The following RNF157 variants were observed in gnomAD, a reference collection of about 807,000 sequenced individuals.
RNF157 encodes the protein ring finger protein 157.
In RNF157, 55 loss-of-function variants were observed where a neutral mutation model predicts 88.3. The ratio of observed to expected loss-of-function variants is 0.62; its 90% confidence interval spans 0.50 to 0.78. The LOEUF (loss-of-function observed/expected upper bound fraction) is 0.78, where lower values mean the gene tolerates loss of function less well. RNF157 is among the 30% of genes least tolerant of loss of function. The probability of loss-of-function intolerance (pLI) is 0.00; values close to 1 mark genes in which losing one functional copy is unlikely to be tolerated. For synonymous variants in RNF157, 334 were observed against 341.2 expected, an observed-to-expected ratio of 0.98 and a Z score of 0.23; for missense variants, 788 against 860.8, an observed-to-expected ratio of 0.92 and a Z score of 1.06.
At chr17:76,145,419 C>G in intron 18 of RNF157, 66 bp from the exon 19 acceptor site, 1 of 1,209,904 alleles carries the variant, frequency 8.3e-7, no homozygotes, top group Non-Finnish European at 1.2e-6. Context: ...GTGTCTCCAG[C>G]AGGGCAGCCC....
intron 3 of RNF157, among the ~76,000 whole-genome samples, chr17:76,171,828 T>C (rs1253139324): frequency 6.6e-6 from 1 of 152,244 alleles, no homozygotes; most frequent in Non-Finnish European, 1.5e-5. Flanking sequence ...CTGGTTCTTC[T>C]AGCGCATGAC....
At chr17:76,178,279 C>T (rs113942173) in intron 2 of RNF157, among the ~76,000 whole-genome samples, 1,849 of 152,334 alleles carry the variant, frequency 0.012, 28 homozygotes, top group African/African-American at 0.041. Flanking sequence ...TCCAAGCTTC[C>T]GGGTGCCACC....
Position 76,146,492 on chromosome 17 carries a change from G to A in RNF157, c.1922-1139C>T, listed in dbSNP as rs1024376510. 1.1e-4 allele frequency: 108 copies of A among 985,264 alleles called. No homozygotes were observed. The highest frequency in any genetic ancestry group is 3.8e-4 in the South Asian group (8 of 21,288). 61.0% of individuals were successfully genotyped at this position (985,264 alleles called of 1,614,324 possible). On this transcript the variant is annotated intron_variant, in intron 18 of 18. Transcript: ENST00000269391. This position sits in a 1 kb window ranked among gnomAD's most constrained non-coding sequence, Gnocchi z 4.2. ...CTAGGGCGCTCCTGCCTTGGGCCTCGGCTGCCTCCACTCTCAGGGTCCCCT... is the reference window on the plus strand; with the variant it reads ...CTAGGGCGCTCCTGCCTTGGGCCTCAGCTGCCTCCACTCTCAGGGTCCCCT...
chr17:76,182,194 G>C (rs913853645), intron 2 of RNF157, among the ~76,000 whole-genome samples: 2 of 152,138 alleles, frequency 1.3e-5, no homozygotes, highest in African/African-American at 2.4e-5. Context: ...CTCAAACCCA[G>C]AATGGAAGTA....
intron 2 of RNF157, among the ~76,000 whole-genome samples, chr17:76,207,000 A>G (rs576375974): frequency 3.3e-5 from 5 of 152,358 alleles, no homozygotes; most frequent in Non-Finnish European, 5.9e-5. Context: ...CCAAGGTTAC[A>G]AAGAGTTTAA....
At chr17:76,208,522 A>C (rs947226818) in intron 2 of RNF157, among the ~76,000 whole-genome samples, 2 of 152,244 alleles carry the variant, frequency 1.3e-5, no homozygotes, top group Non-Finnish European at 2.9e-5. Flanking sequence ...CAGCCCTGGC[A>C]AAAACTAGGT....
intron 1 of RNF157, among the ~76,000 whole-genome samples, chr17:76,216,725 G>A (rs1393300078): frequency 6.6e-6 from 1 of 150,976 alleles, no homozygotes; most frequent in Non-Finnish European, 1.5e-5. Context: ...CCCTTGTCTC[G>A]ACAAAAAATT....
rs949973893 is a variant in RNF157 at position 76,146,013 on chromosome 17, C to A, written c.1922-660G>T. 6.6e-6 allele frequency among the ~76,000 whole-genome samples: 1 copy of A among 152,206 alleles called. No individual in the cohort carries two copies. The highest frequency in any genetic ancestry group is 1.5e-5 in the Non-Finnish European group (1 of 68,036). On this transcript the variant is annotated intron_variant, in intron 18 of 18. Transcript: ENST00000269391. The surrounding 1 kb of genome is among the most constrained non-coding windows in gnomAD (Gnocchi z 4.2). Reference sequence around the variant, plus strand: ...CAAGAGCCTCGGGGTCCCACAGATACCATCACTAAACGCATCCGCTCCCCA... The same window carrying A: ...CAAGAGCCTCGGGGTCCCACAGATAACATCACTAAACGCATCCGCTCCCCA...
intron 1 of RNF157, chr17:76,226,083 G>T: frequency 6.2e-7 from 1 of 1,601,880 alleles, no homozygotes; most frequent in East Asian, 2.2e-5. Flanking sequence ...CTCCTATTTG[G>T]AGAGCCCCTG....
chr17:76,158,229 C>T (rs1347323229), intron 13 of RNF157, among the ~76,000 whole-genome samples, 164 bp downstream of exon 13: 1 of 152,206 alleles, frequency 6.6e-6, no homozygotes, highest in Non-Finnish European at 1.5e-5. Context: ...AGGCTGCATA[C>T]ACTGTTGAAT....
chr17:76,171,374 A>T (rs962005611), intron 3 of RNF157, among the ~76,000 whole-genome samples: 2 of 150,056 alleles, frequency 1.3e-5, no homozygotes, highest in Non-Finnish European at 3.0e-5. Context: ...TTTTTAGTAG[A>T]GACGGGTTTT....
intron 2 of RNF157, among the ~76,000 whole-genome samples, chr17:76,200,081 CAAAAA>C (rs890480009): frequency 2.1e-5 from 3 of 144,680 alleles, no homozygotes; most frequent in African/African-American, 7.6e-5. Flanking sequence ...ATTAAAAATA[CAAAAA>C]AAAAAATTAG....
chr17:76,180,819 C>T (rs996644545), intron 2 of RNF157, among the ~76,000 whole-genome samples: 5 of 152,212 alleles, frequency 3.3e-5, no homozygotes, highest in Admixed American at 6.5e-5. Flanking sequence ...GTAACATTCA[C>T]ATTCGCATTA....
At chr17:76,233,888 T>TTTA (rs1430088913) in intron 1 of RNF157, among the ~76,000 whole-genome samples, 1 of 152,130 alleles carries the variant, frequency 6.6e-6, no homozygotes, top group East Asian at 1.9e-4. Flanking sequence ...AATTCACCTA[T>TTTA]TTAGTGTGTA....
rs2068782961 is a variant in RNF157 at position 76,157,348 on chromosome 17, CGGTCGGGT to C, written c.1414-1035_1414-1028del. ...CCCGTCTAGTCCAGGCTGCACACTG[CGGTCGGGT>C]GGGCCTTTGGGGTGTGAAGCACTCA... On this transcript the variant is annotated intron_variant, in intron 13 of 18. Transcript: ENST00000269391. The surrounding 1 kb of genome is among the most constrained non-coding windows in gnomAD (Gnocchi z 5.6). Among the ~76,000 whole-genome samples the C allele has an allele frequency of 1.3e-5, 2 of 152,346 alleles. No individual in the cohort carries two copies. The highest frequency in any genetic ancestry group is 4.8e-5 in the African/African-American group (2 of 41,588).
At chr17:76,152,963 G>A (rs1309702756) in intron 17 of RNF157, among the ~76,000 whole-genome samples, 1 of 152,178 alleles carries the variant, frequency 6.6e-6, no homozygotes, top group Non-Finnish European at 1.5e-5. Context: ...TATCAAATCA[G>A]AATGACTACA....
In RNF157 at chr17:76,240,250, G is replaced by C; in HGVS notation, c.-10C>G. ...TCGTCAGGGCCCCCATGGCCGCTGC[G>C]GCTGCAGCCCCGGCCCGGCCCCGGT... is the stretch of plus-strand genomic sequence containing the variant. On this transcript the variant is annotated 5_prime_UTR_variant, in exon 1 of 19. Transcript: ENST00000269391. This position sits in a 1 kb window ranked among gnomAD's most constrained non-coding sequence, Gnocchi z 4.4. 7.9e-7 allele frequency: 1 copy of C among 1,265,850 alleles called. No homozygotes were observed. 78.4% of individuals were successfully genotyped at this position (1,265,850 alleles called of 1,614,324 possible).
At chr17:76,188,282 C>T (rs888112396) in intron 2 of RNF157, among the ~76,000 whole-genome samples, 5 of 152,122 alleles carry the variant, frequency 3.3e-5, no homozygotes, top group African/African-American at 1.2e-4. Context: ...TCCACTGCCC[C>T]ATGTGGTCAC....
At chr17:76,194,495 G>A (rs1224845430) in intron 2 of RNF157, among the ~76,000 whole-genome samples, 1 of 152,190 alleles carries the variant, frequency 6.6e-6, no homozygotes, top group Non-Finnish European at 1.5e-5. Flanking sequence ...ACCCCCGAAA[G>A]CAGGACGCTT....
Sources: gnomAD v4.1 joint callset for allele counts (sites outside exome capture counted in the v4.1 genomes callset) on GRCh38, gnomAD v4.1.1 for gene constraint, Gnocchi (gnomAD v3.1) non-coding constraint, MANE v1.5 for transcripts, NCBI Gene and HGNC (gene_info 2026-07-23, HGNC 2026-07-21) for gene names.